DIP2A: variants seen among roughly 807,000 people sequenced by gnomAD.
The protein encoded by DIP2A is DIP2 acetate--CoA ligase A.
In DIP2A, 85 loss-of-function variants were observed where a neutral mutation model predicts 177.4. The observed-to-expected ratio is 0.48, with a 90% CI of 0.40 to 0.57. The LOEUF (loss-of-function observed/expected upper bound fraction) is 0.57. Ranked by LOEUF, DIP2A falls within the 20% of genes least tolerant of loss-of-function variation. The pLI is 0.00. For synonymous variants in DIP2A, 886 were observed against 881.8 expected (o/e 1.00, Z -0.08); for missense variants, 1,791 against 2,100.2 (o/e 0.85, Z 2.88).
At chr21:46,470,561 A>C (rs2055273283) in intron 1 of DIP2A, among the ~76,000 whole-genome samples, 1 of 151,818 alleles carries the variant, frequency 6.6e-6, no homozygotes, top group African/African-American at 2.4e-5. Flanking sequence ...TCACGAAGTC[A>C]GGAGTTGAAG....
intron 1 of DIP2A, among the ~76,000 whole-genome samples, chr21:46,464,943 AATG>A (rs1347170864): frequency 4.7e-5 from 7 of 149,352 alleles, no homozygotes; most frequent in Non-Finnish European, 1.0e-4. Flanking sequence ...AATGGTACTT[AATG>A]ATGATAATTC....
chr21:46,513,443 G>A (rs2058404479), intron 8 of DIP2A, among the ~76,000 whole-genome samples: 1 of 152,132 alleles, frequency 6.6e-6, no homozygotes, highest in Non-Finnish European at 1.5e-5. Flanking sequence ...GGCTCCTGTT[G>A]GCGGGGGGTG....
chr21:46,525,861 T>TGCA (rs1004215594), intron 8 of DIP2A: 1 of 141,790 alleles, frequency 7.1e-6, no homozygotes, highest in African/African-American at 2.6e-5. Flanking sequence ...TTAACACCTT[T>TGCA]GCATTATTAT....
At chr21:46,536,021 A>G (rs2059555426) in intron 13 of DIP2A, among the ~76,000 whole-genome samples, 1 of 152,224 alleles carries the variant, frequency 6.6e-6, no homozygotes, top group Non-Finnish European at 1.5e-5. Flanking sequence ...CTCCCATGCC[A>G]ATGAGTAATG....
At chr21:46,583,871 A>G in the DIP2A span, among the ~76,000 whole-genome samples, 1 of 152,216 alleles carries the variant, frequency 6.6e-6, no homozygotes, top group Admixed American at 6.5e-5. Flanking sequence ...TCATTATTAA[A>G]TACCCAGTCT....
chr21:46,490,766 C>T (rs1484522259), intron 3 of DIP2A, 47 bp downstream of exon 3: 3 of 1,498,564 alleles, frequency 2.0e-6, no homozygotes. Flanking sequence ...GGCCTGGAGC[C>T]CTTGGACTCT....
intron 26 of DIP2A, 63 bp from the exon 27 acceptor site, chr21:46,554,512 G>A (rs2060386302): frequency 3.1e-6 from 5 of 1,590,996 alleles, no homozygotes; most frequent in Admixed American, 1.8e-5. Flanking sequence ...CAGGAACAGT[G>A]AACAGAGGCT....
the DIP2A span, among the ~76,000 whole-genome samples, chr21:46,581,938 G>A: frequency 6.6e-6 from 1 of 152,194 alleles, no homozygotes; most frequent in Non-Finnish European, 1.5e-5. Context: ...TCCGAGGCCT[G>A]CTTAAAGAAG....
downstream of DIP2A, among the ~76,000 whole-genome samples, chr21:46,573,875 G>C (rs2060980503): frequency 6.6e-6 from 1 of 151,862 alleles, no homozygotes; most frequent in Non-Finnish European, 1.5e-5. Context: ...CAATAGAAGG[G>C]AGAAAGGAGA....
chr21:46,509,305 A>T lies in DIP2A; in HGVS notation c.833A>T (p.Asn278Ile), dbSNP rs1318745852. 9 of 1,613,752 alleles carry T rather than the reference A, an allele frequency of 5.6e-6. No individual in the cohort carries two copies. The Admixed American group carries it at 1.5e-4, about 27-fold the overall frequency. Reference protein sequence around the residue: ...RVSSKIQQLLNTLKRPKRPPL... With the variant: ...RVSSKIQQLLITLKRPKRPPL... ...TCCTCCAAAATCCAGCAGCTTCTGA[A>T]CACCCTGAAGAGGCCAAAGCGCCCT... Residue 278 changes from asparagine (N) to isoleucine (I), a missense_variant, in exon 7 of 38, where the codon AAC becomes ATC. Asn to Ile is a moderately radical substitution (Grantham distance 149). Coordinates refer to ENST00000417564, the MANE Select transcript of DIP2A (RefSeq NM_015151.4).
At position 46,510,544 on chromosome 21, in the gene DIP2A, G is replaced by T. The variant is rs148576775; in HGVS notation, c.905-873G>T. Among the ~76,000 whole-genome samples, 191 of 151,798 alleles carry T rather than the reference G, an allele frequency of 1.3e-3. 1 individual carries two copies. Among genetic ancestry groups the T allele is most frequent in the Middle Eastern group, 6.8e-3 (2 of 292 alleles). On this transcript the variant is annotated intron_variant, in intron 7 of 37. Transcript: ENST00000417564. ...CACTTGGGCAAATTTTGGTTATACAGCTCCTAGAAAAAGATTAATTCTTTT... is the reference window on the plus strand; with the variant it reads ...CACTTGGGCAAATTTTGGTTATACATCTCCTAGAAAAAGATTAATTCTTTT...
chr21:46,554,102 C>G (rs1419997536), intron 25 of DIP2A, 67 bp from the exon 26 acceptor site: 1 of 1,541,850 alleles, frequency 6.5e-7, no homozygotes, highest in African/African-American at 1.4e-5. Flanking sequence ...GTGGTGTGCA[C>G]GCAGATCTGC....
At chr21:46,461,499 C>T (rs1489943660) in intron 1 of DIP2A, among the ~76,000 whole-genome samples, 4 of 152,084 alleles carry the variant, frequency 2.6e-5, no homozygotes, top group Non-Finnish European at 5.9e-5. Context: ...CCAATGTATT[C>T]ATTATTCCCT....
chr21:46,503,359 T>G (rs556506908), intron 5 of DIP2A, among the ~76,000 whole-genome samples: 1 of 150,210 alleles, frequency 6.7e-6, no homozygotes, highest in African/African-American at 2.4e-5. Context: ...TTGATTGTGG[T>G]CTCTTAGTTT....
At position 46,534,658 on chromosome 21, in the gene DIP2A, C is replaced by G; in HGVS notation, c.1613C>G (p.Ala538Gly). The G allele has an allele frequency of 6.2e-7, 1 of 1,611,582 alleles. No homozygotes were observed. Among genetic ancestry groups the G allele is most frequent in the South Asian group, 1.1e-5 (1 of 91,048 alleles). ...SHASLLAQCRALTQACGYSEA... is the reference protein window; with the variant it reads ...SHASLLAQCRGLTQACGYSEA... ...GCATCCCTGCTGGCACAGTGCCGGG[C>G]TCTGACCCAGGCGTGCGGGTACTCA... Residue 538 changes from alanine (A) to glycine (G), a missense_variant, in exon 13 of 38, where the codon GCT (alanine) becomes GGT (glycine). Transcript: ENST00000417564.
intron 5 of DIP2A, among the ~76,000 whole-genome samples, chr21:46,500,158 G>C (rs1056211347): frequency 5.9e-5 from 9 of 152,142 alleles, no homozygotes; most frequent in Non-Finnish European, 1.3e-4. Context: ...CACATCTCTT[G>C]TGTTTCCATT....
Position 46,497,058 on chromosome 21 carries a change from G to A in DIP2A, c.354G>A (p.Lys118=). Residue 118 remains lysine, a synonymous_variant, in exon 4 of 38, where the codon AAG becomes AAA. Transcript: ENST00000417564. ...AGAGGAAGATGCCTATGCCTTCGAA[G>A]AGACGTTCTGTCCTTGTGCATTCGT... The part of the protein sequence containing the change: ...YKERKMPMPS[K]RRSVLVHSSV... 2 of 1,613,966 alleles carry A rather than the reference G, an allele frequency of 1.2e-6. No homozygotes were observed. The highest frequency in any genetic ancestry group is 2.2e-5 in the South Asian group (2 of 91,062).
rs1050793100 is a variant in DIP2A, at chr21:46,566,419, T to C, written c.4340-141T>C. 8 of 1,125,310 alleles carry C rather than the reference T, an allele frequency of 7.1e-6. No individual in the cohort carries two copies. The Middle Eastern group carries it at 6.9e-4, about 97-fold the overall frequency. The allele number at this position is 1,125,310 out of a possible 1,614,324, so 69.7% of individuals were successfully genotyped here. On this transcript the variant is annotated intron_variant, in intron 36 of 37. Coordinates refer to ENST00000417564, the MANE Select transcript of DIP2A (RefSeq NM_015151.4). ...CTGCCAGGACCTCCATCACCCTTTCTGCACGTGGTGTGCGACCTCATGATG... is the reference window on the plus strand; with the variant it reads ...CTGCCAGGACCTCCATCACCCTTTCCGCACGTGGTGTGCGACCTCATGATG...
intron 1 of DIP2A, among the ~76,000 whole-genome samples, chr21:46,474,150 A>G (rs2055641686): frequency 6.6e-6 from 1 of 152,132 alleles, no homozygotes; most frequent in African/African-American, 2.4e-5. Flanking sequence ...AGTGCACAGT[A>G]AAGGAGGGTC....
Sources: gnomAD v4.1 joint callset for allele counts (sites outside exome capture counted in the v4.1 genomes callset) on GRCh38, gnomAD v4.1.1 for gene constraint, MANE v1.5 for transcripts, NCBI Gene and HGNC (gene_info 2026-07-23, HGNC 2026-07-21) for gene names.